Variants in RBFOX1 observed in about 807,000 individuals in gnomAD.
The protein encoded by RBFOX1 is RNA binding protein fox-1 homolog 1.
RBFOX1 carries 8 observed loss-of-function variants against 57.7 expected under a neutral mutation model. The observed-to-expected ratio is 0.14, with a 90% CI of 0.08 to 0.25. The LOEUF (loss-of-function observed/expected upper bound fraction) is 0.25, where lower values mean the gene tolerates loss of function less well. RBFOX1 is among the 10% of genes least tolerant of loss of function. The pLI is 1.00. For missense variants in RBFOX1, 611 were observed against 548.5 expected, an observed-to-expected ratio of 1.11 and a Z score of -1.14; for synonymous variants, 326 against 222.4, an observed-to-expected ratio of 1.47 and a Z score of -4.15.
intron 4 of RBFOX1, among the ~76,000 whole-genome samples, chr16:6,008,773 T>C (rs2094942368): frequency 1.3e-5 from 2 of 152,228 alleles, no homozygotes; most frequent in Admixed American, 6.5e-5. Context: ...GTTCAACATC[T>C]GTCCTGTGCT....
intron 3 of RBFOX1, among the ~76,000 whole-genome samples, chr16:6,962,873 A>T (rs7205634): frequency 0.62 from 91,578 of 146,610 alleles, 28,069 homozygotes; most frequent in Non-Finnish European, 0.64. Context: ...TCATGGAAAA[A>T]GGGAAAAAAA....
intron 4 of RBFOX1, among the ~76,000 whole-genome samples, chr16:7,391,640 A>G (rs924305504): frequency 2.0e-5 from 3 of 152,192 alleles, no homozygotes; most frequent in African/African-American, 4.8e-5. Context: ...CAGTTTTACA[A>G]CTTTTTATGT....
intron 1 of RBFOX1, among the ~76,000 whole-genome samples, chr16:5,461,763 C>G (rs967514062): frequency 6.6e-6 from 1 of 152,072 alleles, no homozygotes; most frequent in African/African-American, 2.4e-5. Flanking sequence ...GATGGATGGC[C>G]CTGTGTCTGT....
chr16:5,787,663 CGCAGAGAGGGTTTGGCA>C (rs2151722093), intron 3 of RBFOX1, among the ~76,000 whole-genome samples: 1 of 152,218 alleles, frequency 6.6e-6, no homozygotes, highest in Non-Finnish European at 1.5e-5. Flanking sequence ...AGCTGGATCT[CGCAGAGAGGGTTTGGCA>C]GCATGGAGGG....
chr16:7,668,001 G>A (rs1362715186), intron 13 of RBFOX1, among the ~76,000 whole-genome samples: 1 of 152,092 alleles, frequency 6.6e-6, no homozygotes, highest in Non-Finnish European at 1.5e-5. Flanking sequence ...AAGTTTATTG[G>A]GTAGTCAGTT....
intron 1 of RBFOX1, among the ~76,000 whole-genome samples, chr16:6,094,889 G>C (rs1439231930): frequency 6.6e-6 from 1 of 152,140 alleles, no homozygotes; most frequent in Non-Finnish European, 1.5e-5. Flanking sequence ...ATGAAACCCT[G>C]TCTCTACTAA....
intron 4 of RBFOX1, among the ~76,000 whole-genome samples, chr16:7,170,392 C>A (rs188658490): frequency 6.6e-6 from 1 of 152,022 alleles, no homozygotes; most frequent in African/African-American, 2.4e-5. Flanking sequence ...TCACCTCAGC[C>A]TCCTGAGTAG....
chr16:5,537,474 G>A (rs1305023633), intron 2 of RBFOX1, among the ~76,000 whole-genome samples: 2 of 152,234 alleles, frequency 1.3e-5, no homozygotes, highest in African/African-American at 2.4e-5. Context: ...TTACTGGGTT[G>A]AAGTCAAGGT....
At chr16:6,498,759 A>G (rs969460724) in intron 2 of RBFOX1, among the ~76,000 whole-genome samples, 1 of 152,238 alleles carries the variant, frequency 6.6e-6, no homozygotes, top group African/African-American at 2.4e-5. Flanking sequence ...TATCTATAAT[A>G]ATTGGATAAT....
intron 3 of RBFOX1, among the ~76,000 whole-genome samples, chr16:6,837,401 G>A (rs142614265): frequency 3.3e-5 from 5 of 152,246 alleles, no homozygotes; most frequent in Non-Finnish European, 7.4e-5. Flanking sequence ...TTCCAATCAC[G>A]GTCCACCAGC....
At chr16:6,278,667 C>G (rs560814257) in intron 1 of RBFOX1, among the ~76,000 whole-genome samples, 11 of 151,974 alleles carry the variant, frequency 7.2e-5, no homozygotes, top group African/African-American at 2.7e-4. Context: ...ATACTGTGTA[C>G]TTTTTTCTCA....
chr16:6,121,626 A>G (rs1346001919), intron 1 of RBFOX1, among the ~76,000 whole-genome samples: 1 of 152,114 alleles, frequency 6.6e-6, no homozygotes, highest in African/African-American at 2.4e-5. Context: ...CTGAGGCTCA[A>G]CTCAGTGGGG....
intron 4 of RBFOX1, among the ~76,000 whole-genome samples, chr16:7,137,192 G>A (rs1367491159): frequency 6.6e-6 from 1 of 152,188 alleles, no homozygotes; most frequent in African/African-American, 2.4e-5. Context: ...TCTTTACTGA[G>A]CTAGCTGGAC....
intron 4 of RBFOX1, among the ~76,000 whole-genome samples, chr16:7,373,568 CT>C (rs1331736041): frequency 7.2e-5 from 11 of 152,208 alleles, no homozygotes; most frequent in African/African-American, 2.6e-4. Context: ...CCGGGCAAGC[CT>C]TTATCTTTAA....
chr16:6,625,409 T>G (rs1449207786), intron 2 of RBFOX1, among the ~76,000 whole-genome samples: 1 of 152,174 alleles, frequency 6.6e-6, no homozygotes, highest in Non-Finnish European at 1.5e-5. Context: ...AGATGGCATG[T>G]ATAGGTGTCA....
At chr16:6,381,027 G>A (rs892812416) in intron 2 of RBFOX1, among the ~76,000 whole-genome samples, 1 of 152,162 alleles carries the variant, frequency 6.6e-6, no homozygotes, top group African/African-American at 2.4e-5. Context: ...GACTGTGGAA[G>A]TATTTTAGGG....
chr16:6,939,438 G>T (rs536581622), intron 3 of RBFOX1, among the ~76,000 whole-genome samples: 2 of 151,036 alleles, frequency 1.3e-5, no homozygotes, highest in South Asian at 4.2e-4. Context: ...GTAGACATCT[G>T]TTTTTATCTG....
At chr16:5,926,606 C>T (rs1411694468) in intron 4 of RBFOX1, among the ~76,000 whole-genome samples, 1 of 152,122 alleles carries the variant, frequency 6.6e-6, no homozygotes, top group East Asian at 1.9e-4. Context: ...TTGGAAAAAT[C>T]ACCTAAATCT....
At chr16:6,446,488 G>A (rs932629878) in intron 2 of RBFOX1, among the ~76,000 whole-genome samples, 4 of 152,126 alleles carry the variant, frequency 2.6e-5, no homozygotes, top group Non-Finnish European at 5.9e-5. Flanking sequence ...AAGGGACCAG[G>A]AGTTTGGAGT....
Sources: gnomAD v4.1 joint callset for allele counts (sites outside exome capture counted in the v4.1 genomes callset) on GRCh38, gnomAD v4.1.1 for gene constraint, MANE v1.5 for transcripts, NCBI Gene and HGNC (gene_info 2026-07-23, HGNC 2026-07-21) for gene names.